The following CACNA1C variants were observed in gnomAD, a reference collection of about 807,000 sequenced individuals.
The protein encoded by CACNA1C is calcium voltage-gated channel subunit alpha1 C.
A neutral mutation model predicts 229.0 loss-of-function variants in CACNA1C; 30 were observed. That is an observed-to-expected ratio of 0.13 (90% CI 0.10 to 0.18). The LOEUF (loss-of-function observed/expected upper bound fraction) is 0.18. CACNA1C is among the 10% of genes least tolerant of loss of function. The pLI, the probability that CACNA1C is intolerant of heterozygous loss-of-function variation, is 1.00. For missense variants in CACNA1C, 1,658 were observed against 2,845.0 expected (o/e 0.58, Z 9.49); for synonymous variants, 1,114 against 1,132.5 (o/e 0.98, Z 0.33).
At chr12:2,004,395 CCT>C (rs1251315160) in intron 1 of CACNA1C, 1 of 1,612,202 alleles carries the variant, frequency 6.2e-7, no homozygotes, top group Non-Finnish European at 8.5e-7. Flanking sequence ...ATGTCGCGCC[CCT>C]TTCCCACCAG....
intron 3 of CACNA1C, among the ~76,000 whole-genome samples, chr12:2,361,505 C>G (rs2097557450): frequency 6.6e-6 from 1 of 152,144 alleles, no homozygotes; most frequent in Non-Finnish European, 1.5e-5. Flanking sequence ...ATTTCTCCTT[C>G]CCTCCCTTCT....
At chr12:2,523,449 A>C (rs902919939) in intron 9 of CACNA1C, among the ~76,000 whole-genome samples, 2 of 152,146 alleles carry the variant, frequency 1.3e-5, no homozygotes, top group African/African-American at 4.8e-5. Flanking sequence ...GTTCTAGCTT[A>C]CCACTTTCCT....
At chr12:2,368,403 G>A (rs1256835627) in intron 3 of CACNA1C, among the ~76,000 whole-genome samples, 1 of 152,074 alleles carries the variant, frequency 6.6e-6, no homozygotes, top group African/African-American at 2.4e-5. Context: ...AAAATAGTTA[G>A]CATTAATAAA....
intron 3 of CACNA1C, among the ~76,000 whole-genome samples, chr12:2,292,623 C>T (rs2093625248): frequency 6.6e-6 from 1 of 152,212 alleles, no homozygotes; most frequent in African/African-American, 2.4e-5. Context: ...ACTGTACCGG[C>T]ACTGGCAGGC....
Position 2,605,217 on chromosome 12 carries a change from T to G in CACNA1C, c.3048+49T>G, listed in dbSNP as rs969349845. 7.7e-7 allele frequency: 1 copy of G among 1,305,506 alleles called. No homozygotes were observed. The highest frequency in any genetic ancestry group is 1.1e-6 in the Non-Finnish European group (1 of 900,138). 80.9% of individuals were successfully genotyped at this position (1,305,506 alleles called of 1,614,324 possible). On this transcript the variant is annotated intron_variant, in intron 23 of 46. Coordinates refer to ENST00000399655, the MANE Select transcript of CACNA1C (RefSeq NM_000719.7). The surrounding 1 kb of genome is among the most constrained non-coding windows in gnomAD (Gnocchi z 6.2). Reference sequence around the variant, plus strand: ...AGTCTCCAGCCAGCCCATTGGGGAGTGGGAGCTCCACAGAGGTGAGGGGTG... The same window carrying G: ...AGTCTCCAGCCAGCCCATTGGGGAGGGGGAGCTCCACAGAGGTGAGGGGTG...
At chr12:2,138,956 T>C (rs2093850466) in intron 3 of CACNA1C, among the ~76,000 whole-genome samples, 1 of 150,530 alleles carries the variant, frequency 6.6e-6, no homozygotes, top group Non-Finnish European at 1.5e-5. Flanking sequence ...TTCCATAGCA[T>C]TCTAGATGAC....
intron 1 of CACNA1C, among the ~76,000 whole-genome samples, chr12:2,030,935 C>T (rs755670899): frequency 1.3e-5 from 2 of 152,212 alleles, no homozygotes; most frequent in Non-Finnish European, 1.5e-5. Flanking sequence ...AAGACAGAGG[C>T]AAGCTTTGTC....
chr12:2,661,805 T>C (rs1274561119), intron 34 of CACNA1C, among the ~76,000 whole-genome samples: 1 of 152,170 alleles, frequency 6.6e-6, no homozygotes, highest in Non-Finnish European at 1.5e-5. Context: ...GACAATAGAA[T>C]TAATAAAGTG....
chr12:2,360,346 C>T (rs1261609943), intron 3 of CACNA1C, among the ~76,000 whole-genome samples: 1 of 152,196 alleles, frequency 6.6e-6, no homozygotes, highest in Non-Finnish European at 1.5e-5. Flanking sequence ...TGCTCAGGAG[C>T]CCAGGCCACA....
chr12:2,077,907 A>G (rs2063827925), intron 1 of CACNA1C, among the ~76,000 whole-genome samples: 1 of 152,246 alleles, frequency 6.6e-6, no homozygotes, highest in Non-Finnish European at 1.5e-5. Context: ...TACTACTTGC[A>G]TACTATAGGA....
At chr12:2,243,992 A>T (rs1375791445) in intron 3 of CACNA1C, among the ~76,000 whole-genome samples, 2 of 152,212 alleles carry the variant, frequency 1.3e-5, no homozygotes, top group African/African-American at 4.8e-5. Flanking sequence ...ACAACTATGG[A>T]TATAGAACTG....
chr12:2,221,609 A>G (rs2061484555), intron 3 of CACNA1C: 1 of 152,204 alleles, frequency 6.6e-6, no homozygotes, highest in Non-Finnish European at 1.5e-5. Flanking sequence ...CAGAAGTTCC[A>G]CTCACCTTGG....
At chr12:2,341,737 C>A (rs1263021187) in intron 3 of CACNA1C, among the ~76,000 whole-genome samples, 1 of 152,208 alleles carries the variant, frequency 6.6e-6, no homozygotes, top group African/African-American at 2.4e-5. Context: ...GGAACTAGTA[C>A]GAGCACGTGT....
chr12:2,094,873 C>G (rs1293877169), intron 1 of CACNA1C, among the ~76,000 whole-genome samples: 1 of 152,176 alleles, frequency 6.6e-6, no homozygotes, highest in Non-Finnish European at 1.5e-5. Flanking sequence ...CTGTGCCTCT[C>G]CTTCATTGCT....
chr12:2,366,587 A>C (rs777916959), intron 3 of CACNA1C, among the ~76,000 whole-genome samples: 1 of 152,160 alleles, frequency 6.6e-6, no homozygotes, highest in Non-Finnish European at 1.5e-5. Flanking sequence ...AAATGCTTTT[A>C]ATACGTATAA....
At chr12:2,567,539 C>T (rs953737120) in intron 12 of CACNA1C, 30 bp from the exon 13 acceptor site, 20 of 1,438,180 alleles carry the variant, frequency 1.4e-5, no homozygotes, top group Admixed American at 9.7e-5. Flanking sequence ...TGGCCCTGCT[C>T]GGATCTCATC....
intron 5 of CACNA1C, among the ~76,000 whole-genome samples, chr12:2,482,889 A>C (rs2099681966): frequency 6.6e-6 from 1 of 152,226 alleles, no homozygotes; most frequent in Non-Finnish European, 1.5e-5. Flanking sequence ...ATCCTCTGAA[A>C]ATCACTGACG....
At chr12:2,484,495 C>G (rs1287744121) in intron 5 of CACNA1C, among the ~76,000 whole-genome samples, 1 of 152,184 alleles carries the variant, frequency 6.6e-6, no homozygotes, top group African/African-American at 2.4e-5. Context: ...ATTCAAAGTT[C>G]CAGCAGGCCT....
intron 3 of CACNA1C, among the ~76,000 whole-genome samples, chr12:2,412,040 C>T (rs1567532853): frequency 6.6e-6 from 1 of 151,980 alleles, no homozygotes; most frequent in African/African-American, 2.4e-5. Flanking sequence ...CTCCCCACGC[C>T]CAAGACCCCG....
Sources: gnomAD v4.1 joint callset for allele counts (sites outside exome capture counted in the v4.1 genomes callset) on GRCh38, gnomAD v4.1.1 for gene constraint, Gnocchi (gnomAD v3.1) non-coding constraint, MANE v1.5 for transcripts, NCBI Gene and HGNC (gene_info 2026-07-23, HGNC 2026-07-21) for gene names.